CASP8: variants seen among roughly 807,000 people sequenced by gnomAD.
The protein encoded by CASP8 is caspase 8, also known as caspase-8.
CASP8 carries 24 observed loss-of-function variants against 46.3 expected under a neutral mutation model. The observed-to-expected ratio is 0.52, with a 90% CI of 0.38 to 0.73. CASP8 has a LOEUF of 0.73. Among genes scored for constraint, CASP8 ranks in the 30% least tolerant of loss-of-function variants. CASP8 has a pLI of 0.00. For missense variants in CASP8, 460 were observed against 559.0 expected, an observed-to-expected ratio of 0.82 and a Z score of 1.79; for synonymous variants, 188 against 200.4, an observed-to-expected ratio of 0.94 and a Z score of 0.52.
rs2125488132 is a variant in CASP8, at chr2:201,285,194, C to G, written c.1181C>G (p.Pro394Arg). ...DLSSPQTRYI[P>R]DEADFLLGMA... ...TCATCACCTCAAACGAGATATATCC[C>G]GGATGAGGCTGACTTTCTGCTGGGG... The change falls in exon 8 of 9, where the codon CCG becomes CGG. Residue 394 changes from proline to arginine, a missense_variant. Physicochemically the swap from Pro to Arg is moderately radical, Grantham distance 103. Transcript: ENST00000673742. The G allele has an allele frequency of 6.2e-7, 1 of 1,614,178 alleles. No homozygotes were observed. Among genetic ancestry groups the G allele is most frequent in the South Asian group, 1.1e-5 (1 of 91,078 alleles).
chr2:201,263,567 A>G (rs1369017942), intron 1 of CASP8, among the ~76,000 whole-genome samples: 1 of 152,242 alleles, frequency 6.6e-6, no homozygotes. Flanking sequence ...GGAATTATAC[A>G]TAATTTTAAT....
intron 7 of CASP8, among the ~76,000 whole-genome samples, chr2:201,282,910 T>C (rs1171418556): frequency 1.5e-5 from 1 of 65,632 alleles, no homozygotes. Context: ...GAGGCGCCCC[T>C]CACCTCCCGG....
chr2:201,270,692 G>C (rs951733583), intron 2 of CASP8, among the ~76,000 whole-genome samples: 2 of 151,982 alleles, frequency 1.3e-5, no homozygotes, highest in African/African-American at 2.4e-5. Flanking sequence ...ACCACACCCG[G>C]CTAATTTTTA....
rs35496483 is a variant in CASP8 at position 201,269,468 on chromosome 2, A to AG, written c.306-2042dup. 101 of 1,403,862 alleles carry AG rather than the reference A, an allele frequency of 7.2e-5. No individual in the cohort carries two copies. The East Asian group carries it at 1.1e-3, about 16-fold the overall frequency. The allele number at this position is 1,403,862 out of a possible 1,614,324, so 87.0% of individuals were successfully genotyped here. ...CACAGCCCCAGAACAAGGAAAGCCG[A>AG]GGGGGGTCTCATCTTGTGCCCACCA... On this transcript the variant is annotated intron_variant, in intron 2 of 8. Coordinates refer to ENST00000673742, the MANE Select transcript of CASP8 (RefSeq NM_001372051.1).
chr2:201,268,412 G>A (rs957700933), intron 2 of CASP8, among the ~76,000 whole-genome samples: 7 of 152,158 alleles, frequency 4.6e-5, no homozygotes, highest in African/African-American at 1.7e-4. Flanking sequence ...TTAGCTGGGT[G>A]TGGCGGCTCA....
At chr2:201,247,190 C>CAAAAAAA (rs71022356) in intron 2 of CASP8, among the ~76,000 whole-genome samples, 22 of 81,424 alleles carry the variant, frequency 2.7e-4, no homozygotes, top group African/African-American at 1.1e-3. Context: ...CTGTCTGTCT[C>CAAAAAAA]AAAAAAAAAA....
intron 5 of CASP8, among the ~76,000 whole-genome samples, chr2:201,273,788 C>A (rs994175003): frequency 2.0e-5 from 3 of 151,850 alleles, no homozygotes; most frequent in African/African-American, 7.3e-5. Context: ...GATCCTCTTG[C>A]CTCAACCCCC....
chr2:201,254,164 T>C (rs560902405), intron 2 of CASP8, among the ~76,000 whole-genome samples: 2 of 152,302 alleles, frequency 1.3e-5, no homozygotes, highest in South Asian at 4.1e-4. Context: ...ATTTCTTCCT[T>C]TCTAAATCCG....
upstream of CASP8, chr2:201,258,262 AT>A: frequency 1.2e-6 from 2 of 1,606,662 alleles, no homozygotes; most frequent in Non-Finnish European, 1.7e-6. Context: ...CAGGGTGGTT[AT>A]TGAAAGTAAA....
At chr2:201,238,713 G>C (rs1028786121) in intron 2 of CASP8, among the ~76,000 whole-genome samples, 2 of 152,146 alleles carry the variant, frequency 1.3e-5, no homozygotes, top group African/African-American at 4.8e-5. Flanking sequence ...AAAGTGCTAG[G>C]ATTACAGGTG....
At position 201,266,942 on chromosome 2, in the gene CASP8, C is replaced by T; in HGVS notation, c.305+151C>T. 1.6e-6 allele frequency: 1 copy of T among 610,666 alleles called. No individual in the cohort carries two copies. The allele number at this position is 610,666 out of a possible 1,614,324, so 37.8% of individuals were successfully genotyped here. A position where few individuals can be genotyped will look rare whatever the true frequency, so the allele number is the denominator to read the frequency against. On this transcript the variant is annotated intron_variant, in intron 2 of 8. Transcript: ENST00000673742. The surrounding 1 kb of genome is among the most constrained non-coding windows in gnomAD (Gnocchi z 5.7). The stretch of plus-strand genomic sequence containing the variant: ...AGCTTCTACAGAAAGACAGTAGTGC[C>T]TTGGGTGGTCCTGCTAAAGGCTGTA...
At chr2:201,283,071 G>C (rs1949225865) in intron 7 of CASP8, among the ~76,000 whole-genome samples, 1 of 68,792 alleles carries the variant, frequency 1.5e-5, no homozygotes, top group Admixed American at 1.1e-4. Context: ...CCTCCCGGAC[G>C]GGGCGGCTGG....
chr2:201,272,758 T>C lies in CASP8; in HGVS notation c.532T>C (p.Tyr178His). The C allele has an allele frequency of 6.2e-7, 1 of 1,614,162 alleles. No individual in the cohort carries two copies. The highest frequency in any genetic ancestry group is 8.5e-7 in the Non-Finnish European group (1 of 1,180,026). ...GAGCCTGCTGAAGATAATCAACGAC[T>C]ATGAAGAATTCAGCAAAGGTAGAAA... is the stretch of plus-strand genomic sequence containing the variant. ...NKSLLKIINDYEEFSKERSSS... is the reference protein window; with the variant it reads ...NKSLLKIINDHEEFSKERSSS... The change falls in exon 4 of 9, where the codon TAT becomes CAT. Residue 178 changes from tyrosine (Y) to histidine (H), a missense_variant. Coordinates refer to ENST00000673742, the MANE Select transcript of CASP8 (RefSeq NM_001372051.1). This position sits in a 1 kb window ranked among gnomAD's most constrained non-coding sequence, Gnocchi z 4.4.
At chr2:201,262,142 T>C (rs962699055) in intron 1 of CASP8, 1 of 152,188 alleles carries the variant, frequency 6.6e-6, no homozygotes, top group Non-Finnish European at 1.5e-5. Flanking sequence ...GAATGACGTC[T>C]AAATCTTTGT....
At chr2:201,253,352 G>T (rs1314984955) in intron 2 of CASP8, among the ~76,000 whole-genome samples, 1 of 123,092 alleles carries the variant, frequency 8.1e-6, no homozygotes, top group Non-Finnish European at 1.6e-5. Context: ...CTGTATGTAG[G>T]TTACAGTAGC....
At chr2:201,237,875 A>G (rs1393788800) in intron 2 of CASP8, among the ~76,000 whole-genome samples, 2 of 152,368 alleles carry the variant, frequency 1.3e-5, no homozygotes, top group East Asian at 3.9e-4. Flanking sequence ...GTCAGGCATG[A>G]CACGGGTTAA....
At chr2:201,271,043 G>T (rs536757965) in intron 2 of CASP8, among the ~76,000 whole-genome samples, 39 of 152,266 alleles carry the variant, frequency 2.6e-4, no homozygotes, top group African/African-American at 9.1e-4. Flanking sequence ...CGTGTTTGCG[G>T]TCTGGTCTGT....
chr2:201,237,855 A>G (rs1946121399), intron 2 of CASP8, among the ~76,000 whole-genome samples: 1 of 152,232 alleles, frequency 6.6e-6, no homozygotes, highest in Non-Finnish European at 1.5e-5. Flanking sequence ...ATCAAGCAGT[A>G]TGTTTAGATG....
chr2:201,255,477 C>A (rs1946973035), intron 2 of CASP8, among the ~76,000 whole-genome samples: 2 of 152,162 alleles, frequency 1.3e-5, no homozygotes, highest in South Asian at 4.1e-4. Flanking sequence ...GACTCCCACT[C>A]CTACCCTGCT....
Sources: allele counts gnomAD v4.1 joint callset (sites outside exome capture counted in the v4.1 genomes callset), GRCh38; gene constraint gnomAD v4.1.1; non-coding constraint Gnocchi (gnomAD v3.1); transcripts MANE v1.5; gene names NCBI Gene and HGNC (gene_info 2026-07-23, HGNC 2026-07-21).